ERBIN: variants seen among roughly 807,000 people sequenced by gnomAD.
The protein encoded by ERBIN is erbb2 interacting protein, also known as densin-180-like protein.
Under a neutral mutation model 158.4 loss-of-function variants are expected in ERBIN, and 60 were observed. The ratio of observed to expected loss-of-function variants is 0.38; its 90% CI spans 0.31 to 0.47. The LOEUF (loss-of-function observed/expected upper bound fraction) is 0.47, where lower values mean the gene tolerates loss of function less well. ERBIN is among the 20% of genes least tolerant of loss of function. The pLI, the probability that ERBIN is intolerant of heterozygous loss-of-function variation, is 0.99. For synonymous variants in ERBIN, 594 were observed against 557.2 expected, an observed-to-expected ratio of 1.07 and a Z score of -0.93; for missense variants, 1,610 against 1,648.0, an observed-to-expected ratio of 0.98 and a Z score of 0.40.
chr5:65,981,081 G>T (rs2151015931), intron 1 of ERBIN, among the ~76,000 whole-genome samples: 1 of 152,296 alleles, frequency 6.6e-6, no homozygotes, highest in Non-Finnish European at 1.5e-5. Flanking sequence ...TGAAATGATA[G>T]TACTGTTCTG....
intron 1 of ERBIN, among the ~76,000 whole-genome samples, chr5:65,979,041 C>G (rs1296819350): frequency 6.6e-6 from 1 of 152,110 alleles, no homozygotes; most frequent in Non-Finnish European, 1.5e-5. Flanking sequence ...AAGCTGCTGC[C>G]AGCTCAAATG....
chr5:65,975,951 T>C (rs1324374191), intron 1 of ERBIN, among the ~76,000 whole-genome samples: 1 of 152,214 alleles, frequency 6.6e-6, no homozygotes, highest in African/African-American at 2.4e-5. Context: ...GGGTTCTTTC[T>C]AGTTAATTTG....
intron 4 of ERBIN, among the ~76,000 whole-genome samples, chr5:66,001,352 G>A (rs1278037094): frequency 6.6e-6 from 1 of 152,106 alleles, no homozygotes; most frequent in East Asian, 1.9e-4. Flanking sequence ...AAGGAGGCAG[G>A]AAATTTGTGG....
chr5:65,969,278 C>T (rs1748995082), intron 1 of ERBIN, among the ~76,000 whole-genome samples: 1 of 152,070 alleles, frequency 6.6e-6, no homozygotes, highest in Non-Finnish European at 1.5e-5. Context: ...ACAAGTTACT[C>T]TTATGTATCT....
At chr5:65,945,013 A>T (rs934075539) in intron 1 of ERBIN, among the ~76,000 whole-genome samples, 1 of 152,246 alleles carries the variant, frequency 6.6e-6, no homozygotes, top group Non-Finnish European at 1.5e-5. Flanking sequence ...TCTCCTGAAA[A>T]AATTCTGTAT....
At chr5:66,053,347 C>A in intron 20 of ERBIN, 59 bp from the exon 21 acceptor site, 1 of 1,022,604 alleles carries the variant, frequency 9.8e-7, no homozygotes, top group Non-Finnish European at 1.4e-6. Context: ...TATTAATGTT[C>A]CCTGTTACTA....
rs752006865 is a variant in ERBIN at position 66,075,208 on chromosome 5, G to A, written c.3941G>A (p.Gly1314Asp). ...CAGCCCCATTGTTCTCCTAGACAAG[G>A]CCATGAACTGGCAAAACAAGAGGTA... ...YTQPHCSPRQ[G>D]HELAKQEIRV... The change falls in exon 23 of 26, where the codon GGC (glycine) becomes GAC (aspartate). Residue 1314 changes from glycine (G) to aspartate (D), a missense_variant. Coordinates refer to ENST00000284037, the MANE Select transcript of ERBIN (RefSeq NM_001253697.2). 4.3e-6 allele frequency: 7 copies of A among 1,614,072 alleles called. No homozygotes were observed. The highest frequency in any genetic ancestry group is 5.9e-6 in the Non-Finnish European group (7 of 1,179,980).
chr5:66,010,778 TG>T (rs1754117770), intron 4 of ERBIN, among the ~76,000 whole-genome samples: 1 of 152,246 alleles, frequency 6.6e-6, no homozygotes, highest in Non-Finnish European at 1.5e-5. Flanking sequence ...AATTCATTTT[TG>T]GAATGTCTTA....
At chr5:65,954,219 A>C (rs1383903947) in intron 1 of ERBIN, among the ~76,000 whole-genome samples, 1 of 152,192 alleles carries the variant, frequency 6.6e-6, no homozygotes, top group African/African-American at 2.4e-5. Flanking sequence ...TGTTCTCGAG[A>C]GTAATACATT....
At chr5:66,021,862 C>G (rs1755724616) in intron 8 of ERBIN, among the ~76,000 whole-genome samples, 2 of 151,892 alleles carry the variant, frequency 1.3e-5, no homozygotes, top group Non-Finnish European at 2.9e-5. Flanking sequence ...TTTGTTTGTG[C>G]TTTGTATGCC....
chr5:66,002,234 GTT>G (rs1243637844), intron 4 of ERBIN, among the ~76,000 whole-genome samples: 1 of 152,058 alleles, frequency 6.6e-6, no homozygotes, highest in African/African-American at 2.4e-5. Flanking sequence ...ATTTGAGTTG[GTT>G]CTAAGTTTTT....
intron 21 of ERBIN, among the ~76,000 whole-genome samples, chr5:66,069,686 G>A (rs914586938): frequency 6.6e-6 from 1 of 151,498 alleles, no homozygotes; most frequent in Non-Finnish European, 1.5e-5. Context: ...ATAACAACTT[G>A]AAGTAGTAGC....
chr5:65,954,988 T>C (rs1247367262), intron 1 of ERBIN, among the ~76,000 whole-genome samples: 1 of 151,762 alleles, frequency 6.6e-6, no homozygotes, highest in Non-Finnish European at 1.5e-5. Context: ...TCGCTTGAAC[T>C]CGGGAGGCGG....
chr5:65,984,089 A>G (rs1052328409), intron 1 of ERBIN, among the ~76,000 whole-genome samples: 11 of 152,340 alleles, frequency 7.2e-5, no homozygotes, highest in Admixed American at 2.0e-4. Flanking sequence ...ATAGTGGACC[A>G]GATCGTCTCC....
At chr5:66,029,028 TA>T (rs1307939832) in intron 14 of ERBIN, among the ~76,000 whole-genome samples, 1 of 152,218 alleles carries the variant, frequency 6.6e-6, no homozygotes, top group Non-Finnish European at 1.5e-5. Flanking sequence ...TGTATTTGTG[TA>T]CACACACTAC....
At chr5:65,985,422 T>C (rs56670950) in intron 1 of ERBIN, among the ~76,000 whole-genome samples, 6,119 of 152,346 alleles carry the variant, frequency 0.04, 418 homozygotes, top group African/African-American at 0.14. Flanking sequence ...AATTTTGAAT[T>C]TTATACTGTA....
chr5:65,936,451 G>A (rs1378611207), intron 1 of ERBIN, among the ~76,000 whole-genome samples: 4 of 152,154 alleles, frequency 2.6e-5, no homozygotes, highest in Non-Finnish European at 4.4e-5. Context: ...TCTTGATGCT[G>A]ACTGCAAAAT....
At chr5:65,965,379 G>GTTTTTTTTTTTTTTTTTTTTTTTTTTTT (rs1561304820) in intron 1 of ERBIN, among the ~76,000 whole-genome samples, 3 of 103,650 alleles carry the variant, frequency 2.9e-5, no homozygotes, top group Non-Finnish European at 3.8e-5. Context: ...TTTGTTTTTT[G>GTTTTTTTTTTTTTTTTTTTTTTTTTTTT]TTGTTTTTTT....
rs771404504 is a variant in ERBIN, at chr5:65,992,748, G to C, written c.30G>C (p.Arg10=). MTTKRSLFV[R]LVPCRCLRGE... ...CTACAAAACGAAGTTTGTTTGTGCG[G>C]TTGGTACCATGTCGCTGTCTACGAG... Residue 10 remains arginine (R), a synonymous_variant, in exon 3 of 26, where the codon CGG becomes CGC. Transcript: ENST00000284037. The C allele has an allele frequency of 8.1e-6, 13 of 1,607,572 alleles. No homozygotes were observed. In the African/African-American group the frequency reaches 1.7e-4, roughly 22 times the overall value.
Sources: allele counts gnomAD v4.1 joint callset (sites outside exome capture counted in the v4.1 genomes callset), GRCh38; gene constraint gnomAD v4.1.1; transcripts MANE v1.5; gene names NCBI Gene and HGNC (gene_info 2026-07-23, HGNC 2026-07-21).